The following TTC17 variants were observed in gnomAD, a reference collection of about 807,000 sequenced individuals.
The protein encoded by TTC17 is tetratricopeptide repeat domain 17, also known as tetratricopeptide repeat protein 17.
Under a neutral mutation model 143.8 loss-of-function variants are expected in TTC17, and 58 were observed. The ratio of observed to expected loss-of-function variants is 0.40; its 90% CI spans 0.33 to 0.50. The LOEUF (loss-of-function observed/expected upper bound fraction) is 0.50. TTC17 is among the 20% of genes least tolerant of loss of function. The pLI is 0.49. For missense variants in TTC17, 1,273 were observed against 1,392.5 expected (o/e 0.91, Z 1.37); for synonymous variants, 501 against 497.8 (o/e 1.01, Z -0.09).
chr11:43,462,032 C>T (rs1947877719), intron 21 of TTC17, among the ~76,000 whole-genome samples: 1 of 143,450 alleles, frequency 7.0e-6, no homozygotes. Context: ...GACCCAAGCA[C>T]ATCAGTAGTT....
intron 21 of TTC17, among the ~76,000 whole-genome samples, chr11:43,473,663 T>C (rs1309478937): frequency 6.6e-6 from 1 of 152,072 alleles, no homozygotes; most frequent in Non-Finnish European, 1.5e-5. Context: ...TCACTTGAGG[T>C]CAGGAGTTCT....
At chr11:43,378,049 C>A (rs889505935) in intron 1 of TTC17, among the ~76,000 whole-genome samples, 28 of 152,046 alleles carry the variant, frequency 1.8e-4, no homozygotes, top group Non-Finnish European at 1.2e-4. Context: ...GACTACAGTC[C>A]TGCGCCACCA....
chr11:43,415,328 G>C (rs952123431), intron 16 of TTC17, among the ~76,000 whole-genome samples: 1 of 152,086 alleles, frequency 6.6e-6, no homozygotes, highest in African/African-American at 2.4e-5. Context: ...TATCCACCTG[G>C]GTAAAGCTAA....
chr11:43,461,768 G>C (rs1320134513), intron 21 of TTC17, among the ~76,000 whole-genome samples: 2 of 152,168 alleles, frequency 1.3e-5, no homozygotes, highest in African/African-American at 4.8e-5. Context: ...TAAATGATGA[G>C]AGGGAAGCAA....
In TTC17 at chr11:43,493,826, C is replaced by G. The variant is rs777877336; in HGVS notation, c.3348C>G (p.Pro1116=). ...ATGAATCCACATTGAAGCTTCAGCC[C>G]GAGTTTGTCCCAGCCAAGAACCGAA... ...VWYESTLKLQ[P]EFVPAKNRIQ... is the part of the protein sequence containing the mutation. Residue 1116 remains proline (P), a synonymous_variant, in exon 24 of 24, where the codon CCC becomes CCG. Transcript: ENST00000039989. The G allele has an allele frequency of 6.2e-7, 1 of 1,614,020 alleles. No homozygotes were observed. Among genetic ancestry groups the G allele is most frequent in the Non-Finnish European group, 8.5e-7 (1 of 1,179,974 alleles).
chr11:43,433,937 T>G (rs1199026307), intron 16 of TTC17, among the ~76,000 whole-genome samples: 1 of 152,208 alleles, frequency 6.6e-6, no homozygotes, highest in Non-Finnish European at 1.5e-5. Flanking sequence ...AAGTGTGATG[T>G]TCTTCATAAT....
At chr11:43,371,934 C>T (rs111949814) in intron 1 of TTC17, among the ~76,000 whole-genome samples, 6 of 152,234 alleles carry the variant, frequency 3.9e-5, no homozygotes, top group African/African-American at 9.6e-5. Context: ...CATGGCCTGA[C>T]GCAGCAGCTC....
At chr11:43,430,860 A>G (rs1490763175) in intron 16 of TTC17, among the ~76,000 whole-genome samples, 1 of 152,114 alleles carries the variant, frequency 6.6e-6, no homozygotes, top group Non-Finnish European at 1.5e-5. Flanking sequence ...ATAGGTATAC[A>G]TGTGCAACGG....
intron 21 of TTC17, among the ~76,000 whole-genome samples, chr11:43,486,608 A>G (rs1948385655): frequency 6.6e-6 from 1 of 152,228 alleles, no homozygotes; most frequent in Non-Finnish European, 1.5e-5. Flanking sequence ...GTGAGGATAG[A>G]ATGGTGTAAG....
At chr11:43,371,844 G>T (rs1026951443) in intron 1 of TTC17, among the ~76,000 whole-genome samples, 3 of 152,192 alleles carry the variant, frequency 2.0e-5, no homozygotes, top group Non-Finnish European at 2.9e-5. Flanking sequence ...GGTGGGTGGG[G>T]TGGAAGACCA....
chr11:43,374,967 T>G (rs1204343471), intron 1 of TTC17, among the ~76,000 whole-genome samples: 1 of 152,072 alleles, frequency 6.6e-6, no homozygotes, highest in Non-Finnish European at 1.5e-5. Flanking sequence ...GGGACATAGG[T>G]GAAAATTAGG....
At chr11:43,431,862 A>G (rs1947167078) in intron 16 of TTC17, among the ~76,000 whole-genome samples, 1 of 152,226 alleles carries the variant, frequency 6.6e-6, no homozygotes, top group Non-Finnish European at 1.5e-5. Flanking sequence ...GTAGATGAGG[A>G]AAACGATTCA....
At chr11:43,476,891 C>G (rs2134849830) in intron 21 of TTC17, among the ~76,000 whole-genome samples, 1 of 152,236 alleles carries the variant, frequency 6.6e-6, no homozygotes, top group Middle Eastern at 3.4e-3. Flanking sequence ...AATTTCTCCC[C>G]AGAAAATGGG....
At chr11:43,375,326 A>G (rs1590319341) in intron 1 of TTC17, among the ~76,000 whole-genome samples, 2 of 152,170 alleles carry the variant, frequency 1.3e-5, no homozygotes, top group African/African-American at 4.8e-5. Context: ...TGCTTTTGCC[A>G]CAGGGGGGAC....
intron 18 of TTC17, chr11:43,446,811 G>A (rs911513040): frequency 3.1e-5 from 12 of 391,476 alleles, no homozygotes; most frequent in Admixed American, 6.4e-5. Flanking sequence ...GGGATTTGAT[G>A]TAAGTAAAGG....
At chr11:43,380,071 A>G (rs766224811) in intron 2 of TTC17, among the ~76,000 whole-genome samples, 6 of 152,220 alleles carry the variant, frequency 3.9e-5, no homozygotes, top group Non-Finnish European at 8.8e-5. Context: ...AATAAAAGTA[A>G]TAAAAGTAGA....
In TTC17 at chr11:43,395,140, G is replaced by A. The variant is rs866225172; in HGVS notation, c.664-1569G>A. Among the ~76,000 whole-genome samples the A allele has an allele frequency of 1.2e-3, 165 of 136,816 alleles. 2 individuals carry two copies. Among genetic ancestry groups the A allele is most frequent in the Middle Eastern group, 4.6e-3 (1 of 218 alleles). 89.8% of individuals were successfully genotyped at this position (136,816 alleles called of 152,430 possible). A position where few individuals can be genotyped will look rare whatever the true frequency, so the allele number is the denominator to read the frequency against. On this transcript the variant is annotated intron_variant, in intron 5 of 23. Transcript: ENST00000039989. ...TTTTGAGATGGAGTCTCACTCTGTC[G>A]CCCAGGCTGGAGTGCAGTGGCGCAA...
At chr11:43,469,410 A>G (rs1948046107) in intron 21 of TTC17, among the ~76,000 whole-genome samples, 1 of 150,996 alleles carries the variant, frequency 6.6e-6, no homozygotes, top group Non-Finnish European at 1.5e-5. Flanking sequence ...AAATACTTGG[A>G]AAAAAAATAT....
intron 21 of TTC17, among the ~76,000 whole-genome samples, chr11:43,452,277 A>C (rs1366419948): frequency 3.9e-5 from 6 of 152,056 alleles, no homozygotes; most frequent in Admixed American, 6.5e-5. Context: ...AGGCAGGTGG[A>C]TCACTTGAGG....
Sources: allele counts gnomAD v4.1 joint callset (sites outside exome capture counted in the v4.1 genomes callset), GRCh38; gene constraint gnomAD v4.1.1; transcripts MANE v1.5; gene names NCBI Gene and HGNC (gene_info 2026-07-23, HGNC 2026-07-21).